The following GIGYF2 variants were observed in gnomAD, a reference collection of about 807,000 sequenced individuals.
GIGYF2 encodes the protein GRB10 interacting GYF protein 2, also known as GRB10-interacting GYF protein 2.
In GIGYF2, 25 loss-of-function variants were observed where a neutral mutation model predicts 208.1. That is an observed-to-expected ratio of 0.12 (90% confidence interval 0.09 to 0.17). The LOEUF is 0.17. GIGYF2 is among the 10% of genes least tolerant of loss of function. The pLI, the probability that GIGYF2 is intolerant of heterozygous loss-of-function variation, is 1.00. For synonymous variants in GIGYF2, 534 were observed against 543.8 expected (o/e 0.98, Z 0.25); for missense variants, 1,302 against 1,579.4 (o/e 0.82, Z 2.98).
chr2:232,831,951 G>A (rs1015187856), intron 21 of GIGYF2, among the ~76,000 whole-genome samples: 2 of 152,046 alleles, frequency 1.3e-5, no homozygotes, highest in African/African-American at 4.8e-5. Flanking sequence ...AGCAAAATCT[G>A]ACATTTTAAA....
At chr2:232,730,220 C>T (rs560364081) in intron 2 of GIGYF2, 2 of 1,161,522 alleles carry the variant, frequency 1.7e-6, no homozygotes, top group South Asian at 2.6e-5. Flanking sequence ...TACCTGAGAG[C>T]TGAGGAGCAG....
rs1574810949 is a variant in GIGYF2, at chr2:232,730,706, G to A, written c.-43-4449G>A. On this transcript the variant is annotated intron_variant, in intron 2 of 28. Coordinates refer to ENST00000373563, the MANE Select transcript of GIGYF2 (RefSeq NM_001103146.3). Reference sequence around the variant, plus strand: ...GAGGTCAGGAGATCGAGACCATCCCGGCTAAAATGGTGAAACCCCGTCTCT... The same window carrying A: ...GAGGTCAGGAGATCGAGACCATCCCAGCTAAAATGGTGAAACCCCGTCTCT... Among the ~76,000 whole-genome samples the A allele has an allele frequency of 2.0e-5, 3 of 149,232 alleles. 1 individual carries two copies.
At chr2:232,814,565 A>ACCCCCCCCCCCCCC (rs35081043) in intron 18 of GIGYF2, among the ~76,000 whole-genome samples, 1 of 75,946 alleles carries the variant, frequency 1.3e-5, no homozygotes, top group African/African-American at 4.7e-5. Flanking sequence ...TCCACCTCAA[A>ACCCCCCCCCCCCCC]CCCCCCCCCC....
At chr2:232,697,718 G>GT (rs1695662744) in intron 1 of GIGYF2, among the ~76,000 whole-genome samples, 1 of 152,252 alleles carries the variant, frequency 6.6e-6, no homozygotes, top group African/African-American at 2.4e-5. Flanking sequence ...AGGCAGGAGG[G>GT]TTGTGGGGTG....
chr2:232,826,565 G>A (rs1478280518), intron 21 of GIGYF2, among the ~76,000 whole-genome samples: 1 of 152,154 alleles, frequency 6.6e-6, no homozygotes, highest in Non-Finnish European at 1.5e-5. Flanking sequence ...CTTCTGCACA[G>A]CAAAAGAAAC....
intron 26 of GIGYF2, among the ~76,000 whole-genome samples, 162 bp downstream of exon 26, chr2:232,846,048 G>T (rs911788208): frequency 1.3e-5 from 2 of 152,148 alleles, no homozygotes; most frequent in Admixed American, 6.5e-5. Context: ...TATTACTTGT[G>T]AGAAAAGTCC....
At chr2:232,822,970 T>C (rs1701139099) in intron 21 of GIGYF2, among the ~76,000 whole-genome samples, 1 of 152,170 alleles carries the variant, frequency 6.6e-6, no homozygotes, top group South Asian at 2.1e-4. Context: ...CACCATTAAA[T>C]ATATTGATAG....
chr2:232,788,733 T>C, intron 9 of GIGYF2: 2 of 278,500 alleles, frequency 7.2e-6, no homozygotes, highest in African/African-American at 2.2e-5. Flanking sequence ...TTTCTGAATC[T>C]TTCTTTCCCC....
chr2:232,707,760 C>T (rs1696190911), intron 2 of GIGYF2, among the ~76,000 whole-genome samples: 1 of 151,706 alleles, frequency 6.6e-6, no homozygotes, highest in African/African-American at 2.4e-5. Context: ...GCCTCAGCCT[C>T]CCTAGTAGCT....
chr2:232,833,839 A>C (rs1701498489), intron 22 of GIGYF2, among the ~76,000 whole-genome samples: 1 of 152,014 alleles, frequency 6.6e-6, no homozygotes, highest in South Asian at 2.1e-4. Flanking sequence ...TTACATTAAG[A>C]GGTGATATAT....
intron 8 of GIGYF2, among the ~76,000 whole-genome samples, chr2:232,763,565 CTGTA>C (rs1698830261): frequency 6.6e-6 from 1 of 152,096 alleles, no homozygotes; most frequent in Non-Finnish European, 1.5e-5. Flanking sequence ...TGGCTCGCAC[CTGTA>C]ATCCTAGAAC....
intron 3 of GIGYF2, among the ~76,000 whole-genome samples, chr2:232,741,410 G>A (rs1697963421): frequency 6.6e-6 from 1 of 150,938 alleles, no homozygotes; most frequent in South Asian, 2.1e-4. Flanking sequence ...TTGCACCAGT[G>A]GCCTACTGAT....
At chr2:232,744,436 A>C (rs1698073203) in intron 3 of GIGYF2, among the ~76,000 whole-genome samples, 1 of 152,242 alleles carries the variant, frequency 6.6e-6, no homozygotes, top group Non-Finnish European at 1.5e-5. Context: ...AAGATATTTT[A>C]AAACAAGTTC....
intron 3 of GIGYF2, among the ~76,000 whole-genome samples, chr2:232,745,298 C>T (rs983225112): frequency 6.6e-6 from 1 of 151,994 alleles, no homozygotes; most frequent in African/African-American, 2.4e-5. Context: ...ATCCAGGGCT[C>T]CCTGGAAATG....
intron 1 of GIGYF2, among the ~76,000 whole-genome samples, chr2:232,699,167 A>G (rs1363474828): frequency 6.6e-6 from 1 of 152,200 alleles, no homozygotes; most frequent in Non-Finnish European, 1.5e-5. Flanking sequence ...ACACTGGAGG[A>G]AAAACCCAAC....
rs1009362664 is a variant in GIGYF2, at chr2:232,775,610, A to G, written c.533-11540A>G. Among the ~76,000 whole-genome samples the G allele has an allele frequency of 3.3e-5, 5 of 152,168 alleles. No individual in the cohort carries two copies. The East Asian group carries it at 7.7e-4, about 23-fold the overall frequency. On this transcript the variant is annotated intron_variant, in intron 8 of 28. Coordinates refer to ENST00000373563, the MANE Select transcript of GIGYF2 (RefSeq NM_001103146.3). ...TGTGTGGGCTGTAAAATATTTGCCC[A>G]TTTATAAATTATTTGGAGGAAAAAT...
intron 2 of GIGYF2, among the ~76,000 whole-genome samples, chr2:232,722,910 G>C (rs1488965152): frequency 6.6e-6 from 1 of 152,108 alleles, no homozygotes; most frequent in Admixed American, 6.5e-5. Context: ...TGAGAAGATT[G>C]AAGCCATCAG....
chr2:232,831,757 G>A (rs945835609), intron 21 of GIGYF2, among the ~76,000 whole-genome samples: 2 of 152,140 alleles, frequency 1.3e-5, no homozygotes, highest in Admixed American at 6.6e-5. Flanking sequence ...GATGTTTCAC[G>A]TCATGGTTAA....
chr2:232,795,991 C>G, intron 13 of GIGYF2, 71 bp from the exon 14 acceptor site: 1 of 1,085,190 alleles, frequency 9.2e-7, no homozygotes, highest in South Asian at 1.2e-5. Flanking sequence ...AAGGGGCAGG[C>G]ACTGTTATTA....
Sources: allele counts gnomAD v4.1 joint callset (sites outside exome capture counted in the v4.1 genomes callset), GRCh38; gene constraint gnomAD v4.1.1; transcripts MANE v1.5; gene names NCBI Gene and HGNC (gene_info 2026-07-23, HGNC 2026-07-21).